The following CDK6 variants were observed in gnomAD, a reference collection of about 807,000 sequenced individuals.
CDK6 encodes cyclin dependent kinase 6.
In CDK6, 6 loss-of-function variants were observed where a neutral mutation model predicts 37.1. That is an observed-to-expected ratio of 0.16 (90% CI 0.09 to 0.32). The LOEUF (loss-of-function observed/expected upper bound fraction) is 0.32. CDK6 is among the 10% of genes least tolerant of loss of function. The pLI, the probability that CDK6 is intolerant of heterozygous loss-of-function variation, is 1.00. For missense variants in CDK6, 224 were observed against 418.9 expected, an observed-to-expected ratio of 0.53 and a Z score of 4.06; for synonymous variants, 160 against 161.3, an observed-to-expected ratio of 0.99 and a Z score of 0.06.
chr7:92,779,442 C>T (rs1799931288), intron 2 of CDK6, among the ~76,000 whole-genome samples: 2 of 152,152 alleles, frequency 1.3e-5, no homozygotes, highest in Non-Finnish European at 2.9e-5. Flanking sequence ...AATGTATATA[C>T]TTGCATATTC....
intron 3 of CDK6, among the ~76,000 whole-genome samples, chr7:92,762,010 G>A (rs970999312): frequency 6.6e-6 from 1 of 152,130 alleles, no homozygotes; most frequent in African/African-American, 2.4e-5. Context: ...AAACTTAACT[G>A]ATATTTATGT....
Position 92,771,020 on chromosome 7 carries a change from C to T in CDK6, c.369+3676G>A, listed in dbSNP as rs148066953. Among the ~76,000 whole-genome samples, 584 of 151,956 alleles carry T rather than the reference C, an allele frequency of 3.8e-3. 5 individuals are homozygous for T. The highest frequency in any genetic ancestry group is 0.013 in the African/African-American group (554 of 41,446). ...GGGAGGCCAAGAGGTGGGCGGATCT[C>T]GAGGTCAGTAGTTCGAGACCAGCCT... On this transcript the variant is annotated intron_variant, in intron 3 of 7. Transcript: ENST00000424848.
At chr7:92,775,852 A>G (rs1799836339) in intron 2 of CDK6, among the ~76,000 whole-genome samples, 1 of 152,216 alleles carries the variant, frequency 6.6e-6, no homozygotes. Context: ...AAATGTGCAT[A>G]GAGTCCAATA....
chr7:92,810,292 A>G (rs1399558079), intron 2 of CDK6, among the ~76,000 whole-genome samples: 1 of 152,220 alleles, frequency 6.6e-6, no homozygotes, highest in Non-Finnish European at 1.5e-5. Flanking sequence ...AGGTCTTACT[A>G]AAACAGTCAA....
intron 4 of CDK6, among the ~76,000 whole-genome samples, chr7:92,722,481 C>G (rs901545567): frequency 2.6e-5 from 4 of 152,110 alleles, no homozygotes; most frequent in Non-Finnish European, 5.9e-5. Flanking sequence ...CTTTTCACTC[C>G]TAACTTGAGA....
At position 92,609,294 on chromosome 7, in the gene CDK6, ATTAAC is replaced by A. The variant is rs956269030; in HGVS notation, c.*5841_*5845del. ...TGCTGTGAGAAAGGTGACCTCTAAA[ATTAAC>A]TTAATCATTTGGGGTATAAGAAGTC... On this transcript the variant is annotated 3_prime_UTR_variant, in exon 8 of 8. Transcript: ENST00000424848. 7 of 232,462 alleles carry A rather than the reference ATTAAC, an allele frequency of 3.0e-5. No homozygotes were observed. Among genetic ancestry groups the A allele is most frequent in the African/African-American group, 1.1e-4 (5 of 45,314 alleles). 14.4% of individuals were successfully genotyped at this position (232,462 alleles called of 1,614,324 possible).
At chr7:92,827,701 G>T (rs1038996683) in intron 2 of CDK6, among the ~76,000 whole-genome samples, 2 of 152,092 alleles carry the variant, frequency 1.3e-5, no homozygotes, top group Admixed American at 6.5e-5. Flanking sequence ...CTGCCTCCTG[G>T]ATCTTGGACA....
intron 2 of CDK6, among the ~76,000 whole-genome samples, chr7:92,830,789 T>C (rs1231264864): frequency 6.6e-6 from 1 of 152,218 alleles, no homozygotes; most frequent in African/African-American, 2.4e-5. Flanking sequence ...TATCACTGAA[T>C]TTCATGGCTC....
chr7:92,711,551 A>AT (rs1562943375), intron 4 of CDK6, among the ~76,000 whole-genome samples: 8 of 130,532 alleles, frequency 6.1e-5, no homozygotes, highest in Non-Finnish European at 1.2e-4. Context: ...GGAATGGTCA[A>AT]ATTTTTTTTT....
intron 5 of CDK6, among the ~76,000 whole-genome samples, chr7:92,638,700 T>C (rs574760431): frequency 6.6e-6 from 1 of 152,304 alleles, no homozygotes; most frequent in African/African-American, 2.4e-5. Context: ...GGAACATCAC[T>C]TACCTACTAA....
At chr7:92,757,842 C>T (rs1256576309) in intron 3 of CDK6, among the ~76,000 whole-genome samples, 1 of 152,144 alleles carries the variant, frequency 6.6e-6, no homozygotes, top group Admixed American at 6.6e-5. Flanking sequence ...TTAATAATAG[C>T]CATTCTGACT....
chr7:92,688,084 A>G (rs1403127650), intron 4 of CDK6, among the ~76,000 whole-genome samples: 1 of 152,132 alleles, frequency 6.6e-6, no homozygotes, highest in Non-Finnish European at 1.5e-5. Context: ...TTCTGCTTTG[A>G]ACATTTTTGT....
intron 4 of CDK6, among the ~76,000 whole-genome samples, chr7:92,702,209 T>G (rs1326868216): frequency 1.4e-5 from 2 of 140,888 alleles, no homozygotes; most frequent in South Asian, 4.7e-4. Context: ...TGTTGCATTA[T>G]CAAGTATATT....
intron 3 of CDK6, among the ~76,000 whole-genome samples, chr7:92,740,788 C>G (rs897902941): frequency 6.6e-6 from 1 of 152,056 alleles, no homozygotes; most frequent in East Asian, 1.9e-4. Flanking sequence ...GGCGGGAAAC[C>G]GAATTTGAGA....
chr7:92,802,641 C>T (rs546983685), intron 2 of CDK6, among the ~76,000 whole-genome samples: 4 of 152,276 alleles, frequency 2.6e-5, no homozygotes, highest in East Asian at 3.9e-4. Flanking sequence ...CAGTTCCCAC[C>T]GTTTAGGAGT....
intron 4 of CDK6, among the ~76,000 whole-genome samples, chr7:92,714,026 C>G (rs1798163134): frequency 6.6e-6 from 1 of 152,136 alleles, no homozygotes. Context: ...GAGCAGCTAC[C>G]ATGTGCCTGT....
At chr7:92,672,856 A>C (rs1011862583) in intron 4 of CDK6, among the ~76,000 whole-genome samples, 1 of 152,210 alleles carries the variant, frequency 6.6e-6, no homozygotes, top group African/African-American at 2.4e-5. Flanking sequence ...TGCAGTAGCA[A>C]GTCTCAATAA....
intron 5 of CDK6, among the ~76,000 whole-genome samples, chr7:92,660,108 G>A (rs1475966415): frequency 6.6e-6 from 1 of 152,210 alleles, no homozygotes. Flanking sequence ...TGGCAAAGCT[G>A]GTAGGGGTAG....
In CDK6 at chr7:92,615,233, A is replaced by G. The variant is rs749764695; in HGVS notation, c.888T>C (p.Ser296=). 1.9e-6 allele frequency: 3 copies of G among 1,614,184 alleles called. No homozygotes were observed. The highest frequency in any genetic ancestry group is 2.5e-6 in the Non-Finnish European group (3 of 1,180,000). ...AKRISAYSAL[S]HPYFQDLERC... is the part of the protein sequence containing the mutation. ...TTTCCAGGTCCTGGAAGTATGGGTG[A>G]GACAGGGCACTGTAGGCAGATATTC... The change falls in exon 8 of 8, where the codon TCT becomes TCC. Residue 296 remains serine, a synonymous_variant. Coordinates refer to ENST00000424848, the MANE Select transcript of CDK6 (RefSeq NM_001145306.2).
Sources: gnomAD v4.1 joint callset for allele counts (sites outside exome capture counted in the v4.1 genomes callset) on GRCh38, gnomAD v4.1.1 for gene constraint, MANE v1.5 for transcripts, NCBI Gene and HGNC (gene_info 2026-07-23, HGNC 2026-07-21) for gene names.